The following COTL1 variants were observed in gnomAD, a reference collection of about 807,000 sequenced individuals.
COTL1 encodes coactosin like F-actin binding protein 1.
A neutral mutation model predicts 16.5 loss-of-function variants in COTL1; 15 were observed. That is an observed-to-expected ratio of 0.91 (90% CI 0.61 to 1.40). COTL1 has a LOEUF of 1.40. Ranked by LOEUF, COTL1 falls within the 40% of genes most tolerant of loss-of-function variation. The pLI, the probability that COTL1 is intolerant of heterozygous loss-of-function variation, is 0.00. For synonymous variants in COTL1, 112 were observed against 85.3 expected, an observed-to-expected ratio of 1.31 and a Z score of -1.73; for missense variants, 220 against 201.5, an observed-to-expected ratio of 1.09 and a Z score of -0.56.
intron 2 of COTL1, chr16:84,596,838 C>T (rs1241422683): frequency 6.5e-6 from 1 of 152,840 alleles, no homozygotes; most frequent in Non-Finnish European, 1.5e-5. Flanking sequence ...TCACAACTCT[C>T]CACTGCTCTG....
intron 2 of COTL1, among the ~76,000 whole-genome samples, chr16:84,608,018 G>C (rs184800113): frequency 6.6e-6 from 1 of 152,180 alleles, no homozygotes; most frequent in East Asian, 1.9e-4. Flanking sequence ...AAGCGAGGGG[G>C]ACTATCTTTT....
intron 3 of COTL1, chr16:84,576,353 C>G (rs1433458606): frequency 2.0e-5 from 3 of 152,296 alleles, no homozygotes; most frequent in Middle Eastern, 6.8e-3. Flanking sequence ...TTTGTGAAGT[C>G]AGGAATGCAT....
chr16:84,601,117 C>G (rs1905098687), intron 2 of COTL1, among the ~76,000 whole-genome samples: 1 of 152,094 alleles, frequency 6.6e-6, no homozygotes, highest in Admixed American at 6.6e-5. Flanking sequence ...GCGTCTGGCT[C>G]CCAATCACTG....
At chr16:84,610,335 A>C (rs75129984) in intron 2 of COTL1, among the ~76,000 whole-genome samples, 2,634 of 152,284 alleles carry the variant, frequency 0.017, 79 homozygotes, top group African/African-American at 0.06. Flanking sequence ...GTCTAAAGAG[A>C]AAGCTTCAGG....
intron 3 of COTL1, chr16:84,569,239 T>A (rs1464749516): frequency 6.6e-6 from 1 of 152,400 alleles, no homozygotes; most frequent in East Asian, 1.9e-4. Context: ...GAGAATCGCT[T>A]GAACCCGGGA....
chr16:84,607,982 G>C lies in COTL1; in HGVS notation c.160+9519C>G, dbSNP rs140978574. ...GAGACATAAAAGGAGAACTAGGCAA[G>C]TCTAGCCACGCAGAAGCAGAAGCAC... On this transcript the variant is annotated intron_variant, in intron 2 of 3. Transcript: ENST00000262428. Among the ~76,000 whole-genome samples the C allele has an allele frequency of 2.9e-3, 439 of 152,324 alleles. 3 individuals carry two copies. The highest frequency in any genetic ancestry group is 5.0e-3 in the Non-Finnish European group (339 of 68,022).
intron 2 of COTL1, among the ~76,000 whole-genome samples, chr16:84,602,564 A>G (rs1267358935): frequency 6.6e-6 from 1 of 152,072 alleles, no homozygotes; most frequent in Non-Finnish European, 1.5e-5. Flanking sequence ...GTTTAATAAA[A>G]GCACATGTGG....
chr16:84,581,461 C>G (rs1904591517), intron 3 of COTL1, among the ~76,000 whole-genome samples: 2 of 152,124 alleles, frequency 1.3e-5, no homozygotes, highest in Non-Finnish European at 2.9e-5. Flanking sequence ...GTTGTAGGTT[C>G]TCCCGGCTGC....
intron 2 of COTL1, among the ~76,000 whole-genome samples, chr16:84,601,675 C>A (rs1352240668): frequency 6.6e-6 from 1 of 152,180 alleles, no homozygotes; most frequent in African/African-American, 2.4e-5. Flanking sequence ...AGGCTGGTCT[C>A]GAACTCTTGA....
At chr16:84,614,795 A>G (rs1306206875) in intron 2 of COTL1, among the ~76,000 whole-genome samples, 1 of 152,134 alleles carries the variant, frequency 6.6e-6, no homozygotes, top group East Asian at 1.9e-4. Flanking sequence ...CTGAGTCACA[A>G]GTGGGCAACC....
rs772724957 is a variant in COTL1 at position 84,617,606 on chromosome 16, A to T, written c.78-23T>A. ...ACCCTTTGGGTTGGGAGAAGAAAAA[A>T]ACACACACACACATCAGCGCTGGTG... On this transcript the variant is annotated intron_variant, in intron 1 of 3. Coordinates refer to ENST00000262428, the MANE Select transcript of COTL1 (RefSeq NM_021149.5). The T allele has an allele frequency of 3.7e-5, 58 of 1,547,684 alleles. 2 individuals are homozygous for T. Among genetic ancestry groups the T allele is most frequent in the Non-Finnish European group, 4.8e-5 (55 of 1,143,262 alleles).
chr16:84,581,828 G>C (rs895848989), intron 3 of COTL1, among the ~76,000 whole-genome samples: 1 of 151,500 alleles, frequency 6.6e-6, no homozygotes, highest in Non-Finnish European at 1.5e-5. Context: ...TGAAACAGAA[G>C]CAGAGATTTG....
chr16:84,617,653 A>C (rs1905532385), intron 1 of COTL1, 70 bp from the exon 2 acceptor site: 9 of 1,489,180 alleles, frequency 6.0e-6, no homozygotes, highest in Non-Finnish European at 8.3e-6. Flanking sequence ...CGGCGCTTGC[A>C]GAGGACAATC....
chr16:84,569,599 A>G (rs914081531), intron 3 of COTL1, among the ~76,000 whole-genome samples: 4 of 152,012 alleles, frequency 2.6e-5, no homozygotes, highest in Non-Finnish European at 4.4e-5. Flanking sequence ...TATTAACTTT[A>G]TTTTATTTTA....
At chr16:84,595,433 G>T (rs535690810) in intron 2 of COTL1, 8 of 152,372 alleles carry the variant, frequency 5.3e-5, no homozygotes, top group African/African-American at 1.7e-4. Flanking sequence ...CGGCAGACTG[G>T]AGGCCTCTCC....
chr16:84,570,917 G>C (rs774740038), intron 3 of COTL1, among the ~76,000 whole-genome samples: 2 of 150,772 alleles, frequency 1.3e-5, no homozygotes, highest in Non-Finnish European at 2.9e-5. Flanking sequence ...GGGGAACACA[G>C]AGAGAATGTG....
intron 3 of COTL1, among the ~76,000 whole-genome samples, chr16:84,571,456 G>A (rs1348994997): frequency 3.9e-5 from 6 of 152,118 alleles, no homozygotes; most frequent in Non-Finnish European, 7.4e-5. Flanking sequence ...CTGGTTAAGC[G>A]GCAGTCATGC....
chr16:84,617,728 G>C, intron 1 of COTL1, 110 bp downstream of exon 1: 1 of 1,381,686 alleles, frequency 7.2e-7, no homozygotes, highest in Non-Finnish European at 1.0e-6. Flanking sequence ...AATAAGGCGA[G>C]GAAGACAGCG....
chr16:84,579,886 C>T (rs1904541218), intron 3 of COTL1, among the ~76,000 whole-genome samples: 1 of 152,248 alleles, frequency 6.6e-6, no homozygotes, highest in East Asian at 1.9e-4. Context: ...TTCGGCCTTT[C>T]ATGAAGGCTG....
Sources: gnomAD v4.1 joint callset for allele counts (sites outside exome capture counted in the v4.1 genomes callset) on GRCh38, gnomAD v4.1.1 for gene constraint, MANE v1.5 for transcripts, NCBI Gene and HGNC (gene_info 2026-07-23, HGNC 2026-07-21) for gene names.